Variants in BICC1 observed in about 807,000 individuals in gnomAD.
BICC1 encodes protein bicaudal C homolog 1.
Under a neutral mutation model 111.0 loss-of-function variants are expected in BICC1, and 43 were observed. The observed-to-expected ratio is 0.39, with a 90% confidence interval of 0.30 to 0.50. BICC1 has a LOEUF of 0.50. Ranked by LOEUF, BICC1 falls within the 20% of genes least tolerant of loss-of-function variation. BICC1 has a pLI of 0.88. For missense variants in BICC1, 1,091 were observed against 1,203.2 expected, an observed-to-expected ratio of 0.91 and a Z score of 1.38; for synonymous variants, 467 against 434.4, an observed-to-expected ratio of 1.07 and a Z score of -0.93.
At chr10:58,520,938 TG>T (rs1461087792) in intron 1 of BICC1, among the ~76,000 whole-genome samples, 1 of 152,080 alleles carries the variant, frequency 6.6e-6, no homozygotes, top group African/African-American at 2.4e-5. Flanking sequence ...TGTTGAGCTT[TG>T]GGGATGCAGA....
intron 1 of BICC1, among the ~76,000 whole-genome samples, chr10:58,612,245 G>A (rs917225094): frequency 6.6e-6 from 1 of 152,176 alleles, no homozygotes; most frequent in African/African-American, 2.4e-5. Flanking sequence ...GGCTCTCAGA[G>A]CTTTGCATGC....
intron 3 of BICC1, among the ~76,000 whole-genome samples, chr10:58,778,565 T>C (rs2132754631): frequency 6.6e-6 from 1 of 152,242 alleles, no homozygotes; most frequent in Non-Finnish European, 1.5e-5. Flanking sequence ...TCATCAAAAG[T>C]CTTCATCCAC....
At chr10:58,611,680 G>T (rs1845426144) in intron 1 of BICC1, among the ~76,000 whole-genome samples, 1 of 151,748 alleles carries the variant, frequency 6.6e-6, no homozygotes, top group African/African-American at 2.4e-5. Context: ...AGTGGAGACA[G>T]GGTTTCACCA....
At position 58,723,470 on chromosome 10, in the gene BICC1, A is replaced by T. The variant is rs78412792; in HGVS notation, c.307+21327A>T. Among the ~76,000 whole-genome samples, 1,018 of 152,292 alleles carry T rather than the reference A, an allele frequency of 6.7e-3. 10 individuals carry two copies. The highest frequency in any genetic ancestry group is 0.024 in the African/African-American group (984 of 41,552). On this transcript the variant is annotated intron_variant, in intron 3 of 20. Coordinates refer to ENST00000373886, the MANE Select transcript of BICC1 (RefSeq NM_001080512.3). ...ATGAACTTGTTGAGTTTCTTAGGAT[A>T]GTTCTATGCCTTTTTCTAGTTCTTT...
intron 2 of BICC1, among the ~76,000 whole-genome samples, chr10:58,687,147 C>T (rs1839758870): frequency 6.6e-6 from 1 of 152,198 alleles, no homozygotes; most frequent in Non-Finnish European, 1.5e-5. Context: ...CACTCCAGAC[C>T]CTGTTTGCCT....
At chr10:58,556,802 T>G (rs185782608) in intron 1 of BICC1, among the ~76,000 whole-genome samples, 26 of 152,154 alleles carry the variant, frequency 1.7e-4, no homozygotes, top group Admixed American at 7.9e-4. Flanking sequence ...TTTTGTCTGT[T>G]TCTTCTCAGT....
chr10:58,759,907 C>T (rs1331498631), intron 3 of BICC1, among the ~76,000 whole-genome samples: 1 of 150,382 alleles, frequency 6.6e-6, no homozygotes, highest in South Asian at 2.1e-4. Context: ...TGCAGTGAGC[C>T]GAGATCGCGC....
At chr10:58,647,061 C>G (rs1838291119) in intron 2 of BICC1, among the ~76,000 whole-genome samples, 1 of 152,144 alleles carries the variant, frequency 6.6e-6, no homozygotes, top group African/African-American at 2.4e-5. Flanking sequence ...AAGCATCTTT[C>G]TAATCATCTT....
chr10:58,646,103 T>G (rs892284550), intron 2 of BICC1, among the ~76,000 whole-genome samples: 7 of 151,932 alleles, frequency 4.6e-5, no homozygotes, highest in Non-Finnish European at 1.0e-4. Context: ...TAACCATAGA[T>G]CTGTCCATTT....
chr10:58,733,758 A>C (rs1392908003), intron 3 of BICC1, among the ~76,000 whole-genome samples: 1 of 152,230 alleles, frequency 6.6e-6, no homozygotes, highest in African/African-American at 2.4e-5. Context: ...TCATAAATGC[A>C]TTGCTGGTTG....
intron 2 of BICC1, among the ~76,000 whole-genome samples, chr10:58,665,871 G>T (rs991347612): frequency 2.6e-5 from 4 of 151,968 alleles, no homozygotes; most frequent in African/African-American, 9.7e-5. Flanking sequence ...TTATAACCTT[G>T]CAAAAGTATG....
At chr10:58,817,906 G>T (rs1209933573) in intron 19 of BICC1, among the ~76,000 whole-genome samples, 184 bp downstream of exon 19, 1 of 152,110 alleles carries the variant, frequency 6.6e-6, no homozygotes, top group Non-Finnish European at 1.5e-5. Context: ...TAGTAAACAC[G>T]GGATAGCAGA....
intron 3 of BICC1, among the ~76,000 whole-genome samples, chr10:58,723,438 G>C (rs1783846317): frequency 6.6e-6 from 1 of 152,194 alleles, no homozygotes; most frequent in Non-Finnish European, 1.5e-5. Flanking sequence ...AGCTGAGGCT[G>C]CATGGTATGA....
At chr10:58,530,208 C>T (rs917528084) in intron 1 of BICC1, among the ~76,000 whole-genome samples, 1 of 151,610 alleles carries the variant, frequency 6.6e-6, no homozygotes, top group South Asian at 2.1e-4. Flanking sequence ...GGTCACGTAC[C>T]TCCACCCCAC....
intron 2 of BICC1, among the ~76,000 whole-genome samples, chr10:58,627,299 G>T (rs752261320): frequency 2.6e-5 from 4 of 152,082 alleles, no homozygotes; most frequent in Non-Finnish European, 4.4e-5. Flanking sequence ...TTTTAAGAAG[G>T]GTCACAAGAC....
chr10:58,819,615 C>T (rs567412603), intron 19 of BICC1, among the ~76,000 whole-genome samples: 1 of 152,146 alleles, frequency 6.6e-6, no homozygotes, highest in South Asian at 2.1e-4. Flanking sequence ...TTTGGTAAGC[C>T]CAGTACTTTA....
At chr10:58,615,011 A>G (rs1845553865) in intron 1 of BICC1, among the ~76,000 whole-genome samples, 2 of 151,594 alleles carry the variant, frequency 1.3e-5, no homozygotes, top group African/African-American at 2.4e-5. Context: ...AGTGGGTATC[A>G]TTGAGGGTGG....
intron 3 of BICC1, chr10:58,715,924 G>A (rs142136761): frequency 9.2e-6 from 12 of 1,308,256 alleles, no homozygotes; most frequent in Non-Finnish European, 1.3e-5. Context: ...TGAAGATGAG[G>A]ATAAGAAACA....
At chr10:58,600,743 A>G (rs1564506489) in intron 1 of BICC1, among the ~76,000 whole-genome samples, 1 of 152,106 alleles carries the variant, frequency 6.6e-6, no homozygotes, top group African/African-American at 2.4e-5. Flanking sequence ...GGTAATGAGG[A>G]TGAAGAACTT....
Sources: allele counts gnomAD v4.1 joint callset (sites outside exome capture counted in the v4.1 genomes callset), GRCh38; gene constraint gnomAD v4.1.1; transcripts MANE v1.5; gene names NCBI Gene and HGNC (gene_info 2026-07-23, HGNC 2026-07-21).